Variants in UNC5D observed in about 807,000 individuals in gnomAD.
UNC5D encodes unc-5 netrin receptor D, also known as netrin receptor UNC5D.
In UNC5D, 39 loss-of-function variants were observed where a neutral mutation model predicts 105.4. The observed-to-expected ratio is 0.37, with a 90% CI of 0.29 to 0.48. UNC5D has a LOEUF of 0.48. Ranked by LOEUF, UNC5D falls within the 20% of genes least tolerant of loss-of-function variation. The probability of loss-of-function intolerance (pLI) is 0.98; values close to 1 mark genes in which losing one functional copy is unlikely to be tolerated. For synonymous variants in UNC5D, 452 were observed against 450.4 expected, an observed-to-expected ratio of 1.00 and a Z score of -0.04; for missense variants, 991 against 1,202.4, an observed-to-expected ratio of 0.82 and a Z score of 2.60.
chr8:35,782,426 C>A (rs927826653), intron 16 of UNC5D, among the ~76,000 whole-genome samples: 2 of 151,978 alleles, frequency 1.3e-5, no homozygotes, highest in African/African-American at 4.8e-5. Context: ...GGATTATACA[C>A]TGTAATGATG....
At chr8:35,531,126 A>T (rs1814334539) in intron 1 of UNC5D, among the ~76,000 whole-genome samples, 1 of 113,234 alleles carries the variant, frequency 8.8e-6, no homozygotes, top group African/African-American at 3.7e-5. Context: ...TAGTTCTTTT[A>T]ATTGTGATGT....
Position 35,568,239 on chromosome 8 carries a change from C to A in UNC5D, c.464C>A (p.Ala155Asp). 3 of 1,613,638 alleles carry A rather than the reference C, an allele frequency of 1.9e-6. No homozygotes were observed. The highest frequency in any genetic ancestry group is 2.5e-6 in the Non-Finnish European group (3 of 1,179,794). The change falls in exon 3 of 17, where the codon GCC (alanine) becomes GAC (aspartate). Residue 155 changes from alanine to aspartate, a missense_variant and splice_region_variant. By Grantham distance (126) the Ala-to-Asp change is moderately radical (BLOSUM62 -2). Around this residue, in one of 3 missense-constraint regions of UNC5D, gnomAD observed 944 missense variants for 1,131.6 expected, o/e 0.83. Transcript: ENST00000404895. ...SKSRKASVRI[A>D]YLRKNFEQDP... is the part of the protein sequence containing the mutation. Reference sequence around the variant, plus strand: ...AGCAGGAAGGCCTCTGTGCGCATAGCCTGTAAGTACATTCTGGGTGACCTT... The same window carrying A: ...AGCAGGAAGGCCTCTGTGCGCATAGACTGTAAGTACATTCTGGGTGACCTT...
At chr8:35,548,734 G>A (rs1457024504) in intron 1 of UNC5D, among the ~76,000 whole-genome samples, 2 of 152,204 alleles carry the variant, frequency 1.3e-5, no homozygotes, top group East Asian at 3.9e-4. Flanking sequence ...CTTTGAAGGG[G>A]CAGTGAGCTG....
intron 4 of UNC5D, among the ~76,000 whole-genome samples, chr8:35,678,930 C>T (rs952465744): frequency 3.3e-5 from 5 of 151,840 alleles, no homozygotes; most frequent in South Asian, 2.1e-4. Context: ...CCCATAATGA[C>T]GAGTACAAAT....
At chr8:35,760,932 G>T (rs1801501940) in intron 14 of UNC5D, among the ~76,000 whole-genome samples, 4 of 152,026 alleles carry the variant, frequency 2.6e-5, no homozygotes, top group Non-Finnish European at 1.5e-5. Context: ...ACTGGACAGG[G>T]CTGCATTTTT....
intron 16 of UNC5D, among the ~76,000 whole-genome samples, chr8:35,788,513 C>T (rs1802855706): frequency 6.6e-6 from 1 of 152,132 alleles, no homozygotes; most frequent in South Asian, 2.1e-4. Context: ...GCTTACCATG[C>T]TTTTACTGAA....
chr8:35,549,428 C>T lies in UNC5D; in HGVS notation c.240C>T (p.Ala80=). ...PIALRCKARP[A]MQIFFKCNGE... ...CACTCAGGTGCAAAGCGAGGCCAGC[C>T]ATGCAGATATTCTTCAAATGCAACG... Residue 80 remains alanine, a synonymous_variant, in exon 2 of 17, where the codon GCC becomes GCT. Coordinates refer to ENST00000404895, the MANE Select transcript of UNC5D (RefSeq NM_080872.4). 6.2e-7 allele frequency: 1 copy of T among 1,613,174 alleles called. No individual in the cohort carries two copies. The highest frequency in any genetic ancestry group is 8.5e-7 in the Non-Finnish European group (1 of 1,180,016).
rs192076468 is a variant in UNC5D at position 35,639,970 on chromosome 8, C to G, written c.571-43577C>G. ...AAACTCCTGCCCATAAGCGATCGTC[C>G]TGCCTCAGACCCCCAAAGTATTGGG... On this transcript the variant is annotated intron_variant, in intron 4 of 16. Coordinates refer to ENST00000404895, the MANE Select transcript of UNC5D (RefSeq NM_080872.4). Among the ~76,000 whole-genome samples, 42 of 152,074 alleles carry G rather than the reference C, an allele frequency of 2.8e-4. No individual in the cohort carries two copies. In the East Asian group the frequency reaches 7.6e-3, roughly 27 times the overall value.
chr8:35,306,307 G>GT (rs1563298754), intron 1 of UNC5D, among the ~76,000 whole-genome samples: 1 of 151,774 alleles, frequency 6.6e-6, no homozygotes, highest in Non-Finnish European at 1.5e-5. Context: ...ATCCACTGAG[G>GT]TTTTTTTGTT....
chr8:35,486,051 A>C (rs1421669703), intron 1 of UNC5D, among the ~76,000 whole-genome samples: 1 of 152,144 alleles, frequency 6.6e-6, no homozygotes, highest in Admixed American at 6.5e-5. Flanking sequence ...TCTAGGCAGT[A>C]ATTTACCTTT....
At chr8:35,386,025 A>G (rs563129109) in intron 1 of UNC5D, among the ~76,000 whole-genome samples, 2 of 152,346 alleles carry the variant, frequency 1.3e-5, no homozygotes, top group East Asian at 3.9e-4. Flanking sequence ...AGGTGTGTCC[A>G]TAGCATGAAA....
At chr8:35,325,033 G>A (rs1025235925) in intron 1 of UNC5D, among the ~76,000 whole-genome samples, 1 of 152,138 alleles carries the variant, frequency 6.6e-6, no homozygotes, top group Admixed American at 6.5e-5. Flanking sequence ...TGTAAAGACT[G>A]AAAGTCCCAA....
At chr8:35,683,942 TAGTC>T (rs1825842064) in intron 5 of UNC5D, among the ~76,000 whole-genome samples, 1 of 152,230 alleles carries the variant, frequency 6.6e-6, no homozygotes, top group Non-Finnish European at 1.5e-5. Flanking sequence ...TTCCATGTGA[TAGTC>T]AGTGACATTT....
intron 13 of UNC5D, among the ~76,000 whole-genome samples, chr8:35,751,568 G>T (rs1830283883): frequency 6.6e-6 from 1 of 152,216 alleles, no homozygotes; most frequent in African/African-American, 2.4e-5. Flanking sequence ...CAGCTTGGAG[G>T]TTAGGAGCAA....
Position 35,595,300 on chromosome 8 carries a change from A to G in UNC5D, c.467-254A>G, listed in dbSNP as rs368104291. ...GGGGTGTTCTGTGTTTTTTTTTCCT[A>G]CTCTCCTAGTTATTTATTTCATCCT... On this transcript the variant is annotated intron_variant, in intron 3 of 16. Coordinates refer to ENST00000404895, the MANE Select transcript of UNC5D (RefSeq NM_080872.4). Among the ~76,000 whole-genome samples, 69 of 151,960 alleles carry G rather than the reference A, an allele frequency of 4.5e-4. No individual in the cohort carries two copies. The East Asian group carries it at 7.5e-3, about 17-fold the overall frequency.
At chr8:35,338,406 T>C (rs1470753717) in intron 1 of UNC5D, among the ~76,000 whole-genome samples, 1 of 152,096 alleles carries the variant, frequency 6.6e-6, no homozygotes, top group Non-Finnish European at 1.5e-5. Flanking sequence ...TTCTGGGGTG[T>C]GTGTGTGTGT....
intron 1 of UNC5D, among the ~76,000 whole-genome samples, chr8:35,418,362 T>C (rs1362676583): frequency 6.6e-6 from 1 of 152,184 alleles, no homozygotes; most frequent in African/African-American, 2.4e-5. Context: ...TTCATTTTAG[T>C]TCCATCTGCG....
At chr8:35,502,694 G>C (rs992640201) in intron 1 of UNC5D, among the ~76,000 whole-genome samples, 1 of 151,850 alleles carries the variant, frequency 6.6e-6, no homozygotes, top group African/African-American at 2.4e-5. Flanking sequence ...GAGTAGCTGG[G>C]ACTACAGGTG....
chr8:35,569,532 G>T (rs1212634606), intron 3 of UNC5D, among the ~76,000 whole-genome samples: 1 of 152,176 alleles, frequency 6.6e-6, no homozygotes, highest in African/African-American at 2.4e-5. Flanking sequence ...AATTTGGGGA[G>T]GCCCTCTCCT....
Sources: gnomAD v4.1 joint callset for allele counts (sites outside exome capture counted in the v4.1 genomes callset) on GRCh38, gnomAD v4.1.1 for gene constraint, gnomAD v4.1.1 regional missense constraint, MANE v1.5 for transcripts, NCBI Gene and HGNC (gene_info 2026-07-23, HGNC 2026-07-21) for gene names.